Variants in SNW1 observed in about 807,000 individuals in gnomAD.
The protein encoded by SNW1 is SNW domain-containing protein 1.
In SNW1, 9 loss-of-function variants were observed where a neutral mutation model predicts 75.6. The ratio of observed to expected loss-of-function variants is 0.12; its 90% CI spans 0.07 to 0.21. The LOEUF is 0.21. SNW1 is among the 10% of genes least tolerant of loss of function. The probability of loss-of-function intolerance (pLI) is 1.00; values close to 1 mark genes in which losing one functional copy is unlikely to be tolerated. For synonymous variants in SNW1, 200 were observed against 219.1 expected (o/e 0.91, Z 0.77); for missense variants, 409 against 670.9 (o/e 0.61, Z 4.31).
At chr14:77,729,427 AC>A (rs1240384058) in intron 10 of SNW1, among the ~76,000 whole-genome samples, 1 of 152,088 alleles carries the variant, frequency 6.6e-6, no homozygotes, top group East Asian at 1.9e-4. Flanking sequence ...TGTTTTTGTT[AC>A]CTCTTGTTAC....
At chr14:77,722,757 A>C in intron 11 of SNW1, 1 of 378,538 alleles carries the variant, frequency 2.6e-6, no homozygotes, top group Non-Finnish European at 5.1e-6. Context: ...GAAGAAAGGG[A>C]GAGAAGCAAA....
intron 11 of SNW1, chr14:77,721,039 G>C: frequency 1.9e-6 from 1 of 529,514 alleles, no homozygotes; most frequent in East Asian, 3.3e-5. Context: ...AGGACGTCCT[G>C]TTAGCTCAAA....
At position 77,721,719 on chromosome 14, in the gene SNW1, CTT is replaced by C. The variant is rs1452266702; in HGVS notation, c.1131-893_1131-892del. Among the ~76,000 whole-genome samples the C allele has an allele frequency of 7.2e-5, 11 of 152,176 alleles. No individual in the cohort carries two copies. The East Asian group carries it at 1.2e-3, about 16-fold the overall frequency. Reference sequence around the variant, plus strand: ...TATGCCAATTAATACCAGCAGGAATCTTTTTCATGCTTATTTATTTTTATTTT... The same window carrying C: ...TATGCCAATTAATACCAGCAGGAATCTTTCATGCTTATTTATTTTTATTTT... On this transcript the variant is annotated intron_variant, in intron 11 of 13. Coordinates refer to ENST00000261531, the MANE Select transcript of SNW1 (RefSeq NM_012245.3).
At chr14:77,718,895 G>A (rs1219484772) in intron 12 of SNW1, among the ~76,000 whole-genome samples, 2 of 152,088 alleles carry the variant, frequency 1.3e-5, no homozygotes, top group African/African-American at 2.4e-5. Context: ...ATTTTTAGTA[G>A]AGACAGAGTT....
At chr14:77,756,738 C>G (rs964448886) in intron 1 of SNW1, among the ~76,000 whole-genome samples, 1 of 152,108 alleles carries the variant, frequency 6.6e-6, no homozygotes, top group African/African-American at 2.4e-5. Flanking sequence ...ACAAAATTAG[C>G]CAGGCGTGCT....
intron 3 of SNW1, among the ~76,000 whole-genome samples, chr14:77,744,446 C>CAAAAAAA (rs11335115): frequency 3.1e-4 from 26 of 82,948 alleles, no homozygotes; most frequent in Non-Finnish European, 4.0e-4. Flanking sequence ...GTCTCCATCT[C>CAAAAAAA]AAAAAAAAAA....
intron 3 of SNW1, among the ~76,000 whole-genome samples, chr14:77,740,049 G>A (rs1283290011): frequency 6.7e-6 from 1 of 149,834 alleles, no homozygotes; most frequent in Non-Finnish European, 1.5e-5. Context: ...CAGGAGAATG[G>A]CTTTAACCCG....
chr14:77,728,425 T>A (rs556168125), intron 10 of SNW1, among the ~76,000 whole-genome samples: 1 of 152,296 alleles, frequency 6.6e-6, no homozygotes, highest in East Asian at 1.9e-4. Context: ...CACTTCAGCC[T>A]GGGCAACAAG....
rs190319399 is a variant in SNW1, at chr14:77,756,633, C to T, written c.15-1513G>A. On this transcript the variant is annotated intron_variant, in intron 1 of 13. Transcript: ENST00000261531. ...CCATGGTGGCTCACACCTGTAATCCCAGCACTTTGGGAGGCCGAGGTGGGT... is the reference window on the plus strand; with the variant it reads ...CCATGGTGGCTCACACCTGTAATCCTAGCACTTTGGGAGGCCGAGGTGGGT... 1.6e-4 allele frequency among the ~76,000 whole-genome samples: 24 copies of T among 152,244 alleles called. 1 individual carries two copies. Among genetic ancestry groups the T allele is most frequent in the Admixed American group, 1.2e-3 (19 of 15,296 alleles).
At position 77,720,759 on chromosome 14, in the gene SNW1, C is replaced by G; in HGVS notation, c.1200G>C (p.Arg400=). 1.2e-6 allele frequency: 2 copies of G among 1,613,730 alleles called. No homozygotes were observed. The highest frequency in any genetic ancestry group is 2.7e-5 in the African/African-American group (2 of 74,954). ...GGTCATACTGAACTTCATTGGAAGT[C>G]CGAGGATTAGGAACACCGAGAGCAA... is the stretch of plus-strand genomic sequence containing the variant. ...EVIALGVPNP[R]TSNEVQYDQR... Residue 400 remains arginine, a synonymous_variant, in exon 12 of 14, where the codon CGG becomes CGC. Coordinates refer to ENST00000261531, the MANE Select transcript of SNW1 (RefSeq NM_012245.3).
At chr14:77,757,516 T>G (rs754998216) in intron 1 of SNW1, among the ~76,000 whole-genome samples, 5 of 152,236 alleles carry the variant, frequency 3.3e-5, no homozygotes, top group Non-Finnish European at 7.3e-5. Context: ...GTATAGTATC[T>G]AGACACTTTC....
At chr14:77,720,024 A>G (rs2080526072) in intron 12 of SNW1, among the ~76,000 whole-genome samples, 2 of 152,248 alleles carry the variant, frequency 1.3e-5, no homozygotes, top group Admixed American at 1.3e-4. Flanking sequence ...AGATTTCCTG[A>G]CAGCCAGCCT....
chr14:77,722,810 A>T (rs1023090955), intron 11 of SNW1: 3 of 416,184 alleles, frequency 7.2e-6, no homozygotes, highest in Non-Finnish European at 1.4e-5. Flanking sequence ...AAGGTACAAA[A>T]AGGCCACTCT....
chr14:77,721,764 A>G (rs1322946670), intron 11 of SNW1, among the ~76,000 whole-genome samples: 6 of 151,576 alleles, frequency 4.0e-5, no homozygotes, highest in Non-Finnish European at 8.8e-5. Context: ...TTTATTTTTT[A>G]TGACACGGAG....
At chr14:77,744,795 A>G (rs1228042153) in intron 3 of SNW1, among the ~76,000 whole-genome samples, 2 of 152,184 alleles carry the variant, frequency 1.3e-5, no homozygotes, top group Admixed American at 1.3e-4. Flanking sequence ...GAGGTAGCAC[A>G]TACCAATAAA....
chr14:77,737,812 T>A (rs1301983450), intron 5 of SNW1, among the ~76,000 whole-genome samples: 1 of 151,530 alleles, frequency 6.6e-6, no homozygotes, highest in Non-Finnish European at 1.5e-5. Flanking sequence ...GCCAACGTGG[T>A]GAAACCCTGT....
chr14:77,750,260 C>T (rs72687223), intron 3 of SNW1, among the ~76,000 whole-genome samples: 20,039 of 152,016 alleles, frequency 0.13, 1,490 homozygotes, highest in Middle Eastern at 0.19. Context: ...GAAGGCATTT[C>T]GTGCAAAAAC....
At chr14:77,721,018 GTT>G in intron 11 of SNW1, 190 bp from the exon 12 acceptor site, 2 of 563,942 alleles carry the variant, frequency 3.5e-6, no homozygotes, top group Non-Finnish European at 3.2e-6. Context: ...TAGAGGGAGA[GTT>G]TTACAATTAG....
intron 10 of SNW1, among the ~76,000 whole-genome samples, chr14:77,730,596 A>G (rs1361949196): frequency 2.0e-5 from 3 of 152,212 alleles, no homozygotes; most frequent in Non-Finnish European, 4.4e-5. Flanking sequence ...TGAGAAATGC[A>G]TTGGAGCCTA....
Sources: allele counts gnomAD v4.1 joint callset (sites outside exome capture counted in the v4.1 genomes callset), GRCh38; gene constraint gnomAD v4.1.1; transcripts MANE v1.5; gene names NCBI Gene and HGNC (gene_info 2026-07-23, HGNC 2026-07-21).